Variants in CMIP observed in about 807,000 individuals in gnomAD.
The protein encoded by CMIP is C-Maf-inducing protein.
Under a neutral mutation model 97.3 loss-of-function variants are expected in CMIP, and 13 were observed. The observed-to-expected ratio is 0.13, with a 90% confidence interval of 0.09 to 0.21. CMIP has a LOEUF of 0.21. Among genes scored for constraint, CMIP ranks in the 10% least tolerant of loss-of-function variants. The pLI is 1.00. For missense variants in CMIP, 847 were observed against 1,024.9 expected, an observed-to-expected ratio of 0.83 and a Z score of 2.37; for synonymous variants, 538 against 436.3, an observed-to-expected ratio of 1.23 and a Z score of -2.91.
intron 2 of CMIP, chr16:81,610,343 G>C (rs2091810742): frequency 2.0e-6 from 2 of 985,508 alleles, no homozygotes; most frequent in African/African-American, 3.5e-5. Context: ...GGAGCCTCTA[G>C]CTGCTCCAGC....
Position 81,704,097 on chromosome 16 carries a change from C to T in CMIP, c.2091+12C>T, listed in dbSNP as rs371314406. 32 of 1,598,440 alleles carry T rather than the reference C, an allele frequency of 2.0e-5. No homozygotes were observed. Among genetic ancestry groups the T allele is most frequent in the South Asian group, 1.9e-4 (17 of 89,036 alleles). On this transcript the variant is annotated intron_variant, in intron 18 of 20. Coordinates refer to ENST00000537098, the MANE Select transcript of CMIP (RefSeq NM_198390.3). ...TGTGGTCCACTCAGGTACGTCCTCC[C>T]GCCCTGCTGCAGTCCCCCACACCCT... is the stretch of plus-strand genomic sequence containing the variant.
At chr16:81,646,512 C>T (rs1287817399) in intron 3 of CMIP, among the ~76,000 whole-genome samples, 1 of 152,174 alleles carries the variant, frequency 6.6e-6, no homozygotes, top group East Asian at 1.9e-4. Context: ...CCATAAAATT[C>T]ACCCACTGTG....
intron 10 of CMIP, among the ~76,000 whole-genome samples, chr16:81,684,421 C>G (rs931123327): frequency 6.6e-6 from 1 of 152,224 alleles, no homozygotes; most frequent in Non-Finnish European, 1.5e-5. Flanking sequence ...ACGTTCTGCC[C>G]GTGACTTGCA....
At chr16:81,651,435 C>T (rs1476771373) in intron 3 of CMIP, 1 of 965,076 alleles carries the variant, frequency 1.0e-6, no homozygotes, top group Non-Finnish European at 1.2e-6. Context: ...AAGGTGAGAG[C>T]ACTCTTGTCT....
intron 1 of CMIP, among the ~76,000 whole-genome samples, chr16:81,463,307 T>A (rs79878294): frequency 0.017 from 2,571 of 152,266 alleles, 22 homozygotes; most frequent in Non-Finnish European, 0.027. Flanking sequence ...GTCACTTAAA[T>A]GACTAGAGAG....
At chr16:81,603,321 A>T in intron 1 of CMIP, 1 of 450,472 alleles carries the variant, frequency 2.2e-6, no homozygotes, top group Admixed American at 2.4e-5. Context: ...TGACGTCATG[A>T]TCCGCCCACC....
Position 81,669,243 on chromosome 16 carries a change from A to G in CMIP, c.826-899A>G, listed in dbSNP as rs544165745. Reference sequence around the variant, plus strand: ...TTCCACATCCACCTCACACCTCCACACCCACCTCTCACACTCACCTCCTTC... The same window carrying G: ...TTCCACATCCACCTCACACCTCCACGCCCACCTCTCACACTCACCTCCTTC... On this transcript the variant is annotated intron_variant, in intron 7 of 20. Transcript: ENST00000537098. Among the ~76,000 whole-genome samples, 15 of 97,880 alleles carry G rather than the reference A, an allele frequency of 1.5e-4. 1 individual carries two copies. In the East Asian group the frequency reaches 4.5e-3, roughly 30 times the overall value. The allele number at this position is 97,880 out of a possible 152,430, so 64.2% of individuals were successfully genotyped here.
At chr16:81,667,382 G>A (rs2092615494) in intron 7 of CMIP, 2 of 152,224 alleles carry the variant, frequency 1.3e-5, no homozygotes, top group African/African-American at 2.4e-5. Flanking sequence ...GCCACTCGGA[G>A]TGTTCTTGTG....
chr16:81,631,864 A>C (rs2092165312), intron 3 of CMIP: 1 of 152,234 alleles, frequency 6.6e-6, no homozygotes, highest in South Asian at 2.1e-4. Context: ...GCTGCCCTGC[A>C]GTTTTGCAAA....
intron 2 of CMIP, 71 bp downstream of exon 2, chr16:81,607,763 T>C (rs2091768800): frequency 1.3e-6 from 2 of 1,522,054 alleles, no homozygotes; most frequent in African/African-American, 1.4e-5. Flanking sequence ...CTCGTTTCCC[T>C]TGGAGGGAGC....
In CMIP at chr16:81,627,503, C is replaced by A. The variant is rs1334204887; in HGVS notation, c.477+6577C>A. Among the ~76,000 whole-genome samples the A allele has an allele frequency of 6.6e-6, 1 of 152,036 alleles. No individual in the cohort carries two copies. The highest frequency in any genetic ancestry group is 2.4e-5 in the African/African-American group (1 of 41,382). ...CTGGCTCGGCCTGTCTCCCTGGCAG[C>A]CCCTTCCAGCCTCCACAGGTGGTCC... On this transcript the variant is annotated intron_variant, in intron 3 of 20. Transcript: ENST00000537098. This position sits in a 1 kb window ranked among gnomAD's most constrained non-coding sequence, Gnocchi z 4.6.
intron 1 of CMIP, among the ~76,000 whole-genome samples, chr16:81,532,105 G>T (rs540766883): frequency 1.3e-5 from 2 of 152,190 alleles, no homozygotes; most frequent in Non-Finnish European, 2.9e-5. Context: ...GGAAATCGAG[G>T]CCAAGGACAG....
chr16:81,517,220 A>AGAATAGGTC (rs2089933917), intron 1 of CMIP, among the ~76,000 whole-genome samples: 1 of 101,320 alleles, frequency 9.9e-6, no homozygotes, highest in Non-Finnish European at 2.5e-5. Context: ...CATCAGTGAA[A>AGAATAGGTC]AGCCAGACAG....
Position 81,711,027 on chromosome 16 carries a change from G to T in CMIP, c.*1228G>T, listed in dbSNP as rs944188028. On this transcript the variant is annotated 3_prime_UTR_variant, in exon 21 of 21. Transcript: ENST00000537098. ...CGACTGCCCTCCCCACCCCACCCCC[G>T]CCACCCCCCACATGTGACCACTGCA... 1 of 71,806 alleles carries T rather than the reference G, an allele frequency of 1.4e-5. No individual in the cohort carries two copies. Among genetic ancestry groups the T allele is most frequent in the Non-Finnish European group, 3.0e-5 (1 of 33,852 alleles). 4.4% of individuals were successfully genotyped at this position (71,806 alleles called of 1,614,324 possible).
chr16:81,518,014 C>T, intron 1 of CMIP: 1 of 483,986 alleles, frequency 2.1e-6, no homozygotes, highest in Non-Finnish European at 2.7e-6. Flanking sequence ...TTGCACTTCT[C>T]ATGCCCCCAT....
At chr16:81,669,397 T>A (rs1410219292) in intron 7 of CMIP, among the ~76,000 whole-genome samples, 1 of 55,696 alleles carries the variant, frequency 1.8e-5, no homozygotes, top group Non-Finnish European at 3.9e-5. Flanking sequence ...CCTCTCACAC[T>A]CACCTCCTTC....
chr16:81,507,786 G>A (rs1235309011), intron 1 of CMIP, among the ~76,000 whole-genome samples: 2 of 152,170 alleles, frequency 1.3e-5, no homozygotes, highest in African/African-American at 4.8e-5. Context: ...ATCACTTTGC[G>A]TTTGCCCTGC....
In CMIP at chr16:81,704,014, G is replaced by T; in HGVS notation, c.2020G>T (p.Val674Leu). Residue 674 changes from valine to leucine, a missense_variant, in exon 18 of 21, where the codon GTA becomes TTA. Coordinates refer to ENST00000537098, the MANE Select transcript of CMIP (RefSeq NM_198390.3). The part of the protein sequence containing the change: ...LENLSLAFTN[V>L]TSACAEHLIK... ...GAACCTCAGTTTGGCCTTCACCAATGTAACCAGTGCCTGCGCCGAGCACCT... is the reference window on the plus strand; with the variant it reads ...GAACCTCAGTTTGGCCTTCACCAATTTAACCAGTGCCTGCGCCGAGCACCT... The T allele has an allele frequency of 6.2e-7, 1 of 1,604,956 alleles. No individual in the cohort carries two copies.
At chr16:81,596,277 G>T (rs2091554600) in intron 1 of CMIP, among the ~76,000 whole-genome samples, 1 of 152,036 alleles carries the variant, frequency 6.6e-6, no homozygotes. Flanking sequence ...AAGCCAAGGT[G>T]GGCAGATCAC....
Sources: gnomAD v4.1 joint callset for allele counts (sites outside exome capture counted in the v4.1 genomes callset) on GRCh38, gnomAD v4.1.1 for gene constraint, Gnocchi (gnomAD v3.1) non-coding constraint, MANE v1.5 for transcripts, NCBI Gene and HGNC (gene_info 2026-07-23, HGNC 2026-07-21) for gene names.